HHAT: variants seen among roughly 807,000 people sequenced by gnomAD.
The protein encoded by HHAT is protein-cysteine N-palmitoyltransferase HHAT.
HHAT carries 47 observed loss-of-function variants against 70.8 expected under a neutral mutation model. That is an observed-to-expected ratio of 0.66 (90% confidence interval 0.53 to 0.85). The LOEUF (loss-of-function observed/expected upper bound fraction) is 0.85, where lower values mean the gene tolerates loss of function less well. HHAT is among the 40% of genes least tolerant of loss of function. The pLI, the probability that HHAT is intolerant of heterozygous loss-of-function variation, is 0.00. For synonymous variants in HHAT, 228 were observed against 247.6 expected (o/e 0.92, Z 0.74); for missense variants, 609 against 604.8 (o/e 1.01, Z -0.07).
At chr1:210,566,651 G>A (rs2148722350) in intron 9 of HHAT, among the ~76,000 whole-genome samples, 1 of 152,212 alleles carries the variant, frequency 6.6e-6, no homozygotes, top group African/African-American at 2.4e-5. Context: ...AGCTGGTGAT[G>A]ATCAGAGGGG....
chr1:210,673,085 C>G (rs17188437), intron 11 of HHAT, among the ~76,000 whole-genome samples: 2,607 of 152,268 alleles, frequency 0.017, 35 homozygotes, highest in Middle Eastern at 0.031. Context: ...TTATAAAGCT[C>G]TCTGTGAAAT....
chr1:210,328,476 AG>A (rs2084703065), upstream of HHAT: 1 of 152,700 alleles, frequency 6.5e-6, no homozygotes, highest in African/African-American at 2.4e-5. Flanking sequence ...TGTTTTACAG[AG>A]GTGTACAGGG....
chr1:210,609,975 C>T (rs1486204951), intron 10 of HHAT, among the ~76,000 whole-genome samples: 3 of 152,134 alleles, frequency 2.0e-5, no homozygotes, highest in Non-Finnish European at 2.9e-5. Context: ...AATGAACATA[C>T]GTGTGCAAGT....
intron 9 of HHAT, among the ~76,000 whole-genome samples, chr1:210,566,118 T>A (rs909082870): frequency 6.6e-6 from 1 of 152,222 alleles, no homozygotes; most frequent in African/African-American, 2.4e-5. Context: ...GCTACAATGT[T>A]GGTTTAGGTT....
chr1:210,557,846 C>T (rs2095586661), intron 9 of HHAT, among the ~76,000 whole-genome samples: 2 of 152,156 alleles, frequency 1.3e-5, no homozygotes, highest in African/African-American at 2.4e-5. Flanking sequence ...ACCCTATCAC[C>T]TGTCAAGGAA....
rs553384094 is a variant in HHAT, at chr1:210,579,452, G to A, written c.1044-8446G>A. The stretch of plus-strand genomic sequence containing the variant: ...GGCTAGCATTGTGCCTATAGTTAAC[G>A]ATACTGTATTATATACTTAAACAAT... On this transcript the variant is annotated intron_variant, in intron 9 of 11. Coordinates refer to ENST00000261458, the MANE Select transcript of HHAT (RefSeq NM_018194.6). Among the ~76,000 whole-genome samples, 313 of 152,162 alleles carry A rather than the reference G, an allele frequency of 2.1e-3. 1 individual carries two copies. Among genetic ancestry groups the A allele is most frequent in the Admixed American group, 4.1e-3 (62 of 15,282 alleles).
At chr1:210,376,014 A>ATTTTTTTTTTTTTTTTT (rs57707354) in intron 3 of HHAT, among the ~76,000 whole-genome samples, 8 of 108,908 alleles carry the variant, frequency 7.3e-5, no homozygotes, top group Admixed American at 1.1e-4. Flanking sequence ...TGCACAGCTA[A>ATTTTTTTTTTTTTTTTT]TTTTTTTTTT....
At chr1:210,365,408 C>T (rs973498735) in intron 3 of HHAT, among the ~76,000 whole-genome samples, 12 of 146,294 alleles carry the variant, frequency 8.2e-5, no homozygotes, top group African/African-American at 2.8e-4. Flanking sequence ...CCTCTGCCTC[C>T]TGGGTTCCAG....
At chr1:210,374,214 G>C (rs557263154) in intron 3 of HHAT, 2 of 152,120 alleles carry the variant, frequency 1.3e-5, no homozygotes, top group Non-Finnish European at 2.9e-5. Flanking sequence ...TTCTCTCCAC[G>C]GAAATCTTTA....
chr1:210,374,276 A>C (rs562122934), intron 3 of HHAT: 2 of 152,194 alleles, frequency 1.3e-5, no homozygotes, highest in African/African-American at 2.4e-5. Flanking sequence ...GTAATGCTAC[A>C]AATTAGTTCA....
At chr1:210,602,301 G>A (rs928632782) in intron 10 of HHAT, among the ~76,000 whole-genome samples, 1 of 152,112 alleles carries the variant, frequency 6.6e-6, no homozygotes, top group Non-Finnish European at 1.5e-5. Context: ...CATTACGTGC[G>A]AGTGGCCAGA....
chr1:210,551,518 A>C (rs1041417081), intron 9 of HHAT, among the ~76,000 whole-genome samples: 1 of 131,618 alleles, frequency 7.6e-6, no homozygotes, highest in Non-Finnish European at 1.5e-5. Context: ...ACCAGGCAAC[A>C]ATGACTTTAA....
chr1:210,675,061 A>G lies in HHAT; in HGVS notation c.*682A>G, dbSNP rs910221969. On this transcript the variant is annotated 3_prime_UTR_variant, in exon 12 of 12. Coordinates refer to ENST00000261458, the MANE Select transcript of HHAT (RefSeq NM_018194.6). ...TTGTTTCTGAGATTTGCAGAGAAGT[A>G]TAACATGGTAGTTCCTCTACCTTAC... 5.3e-5 allele frequency: 8 copies of G among 152,374 alleles called. No individual in the cohort carries two copies. The highest frequency in any genetic ancestry group is 1.9e-4 in the African/African-American group (8 of 41,586). The allele number at this position is 152,374 out of a possible 1,614,324, so 9.4% of individuals were successfully genotyped here. A position where few individuals can be genotyped will look rare whatever the true frequency, so the allele number is the denominator to read the frequency against.
At chr1:210,436,652 T>C (rs1236246418) in intron 7 of HHAT, among the ~76,000 whole-genome samples, 1 of 151,774 alleles carries the variant, frequency 6.6e-6, no homozygotes, top group Non-Finnish European at 1.5e-5. Flanking sequence ...ATTTTGATTC[T>C]TCACAGGTCT....
intron 9 of HHAT, among the ~76,000 whole-genome samples, chr1:210,520,743 A>G (rs2095144207): frequency 6.6e-6 from 1 of 152,146 alleles, no homozygotes; most frequent in South Asian, 2.1e-4. Flanking sequence ...ATTCACCTGA[A>G]TTTTGTTTTC....
In HHAT at chr1:210,526,367, G is replaced by GTTTTTT. The variant is rs5780585; in HGVS notation, c.1043+13185_1043+13190dup. 3.4e-4 allele frequency among the ~76,000 whole-genome samples: 48 copies of GTTTTTT among 142,422 alleles called. 1 individual carries two copies. Among genetic ancestry groups the GTTTTTT allele is most frequent in the African/African-American group, 1.2e-3 (44 of 38,246 alleles). 93.4% of individuals were successfully genotyped at this position (142,422 alleles called of 152,430 possible). A position where few individuals can be genotyped will look rare whatever the true frequency, so the allele number is the denominator to read the frequency against. On this transcript the variant is annotated intron_variant, in intron 9 of 11. Transcript: ENST00000261458. ...TAATAAACTAACCAGAGTGGGTTCT[G>GTTTTTT]TTTTTTTTTTTGCCACTGAGATAAC...
At chr1:210,399,416 G>C (rs1003245159) in intron 4 of HHAT, among the ~76,000 whole-genome samples, 1 of 152,004 alleles carries the variant, frequency 6.6e-6, no homozygotes, top group Non-Finnish European at 1.5e-5. Context: ...ACCATACCTG[G>C]CTAATTTTTG....
At chr1:210,590,569 A>G (rs1661485850) in intron 10 of HHAT, 1 of 147,444 alleles carries the variant, frequency 6.8e-6, no homozygotes, top group Admixed American at 6.8e-5. Flanking sequence ...AAAAAAGGCA[A>G]CAGAAGACCA....
At chr1:210,632,877 A>AC (rs1671149929) in intron 11 of HHAT, among the ~76,000 whole-genome samples, 1 of 152,130 alleles carries the variant, frequency 6.6e-6, no homozygotes, top group Non-Finnish European at 1.5e-5. Context: ...ATAATGTAAA[A>AC]CCACAGGGAC....
Sources: allele counts gnomAD v4.1 joint callset (sites outside exome capture counted in the v4.1 genomes callset), GRCh38; gene constraint gnomAD v4.1.1; transcripts MANE v1.5; gene names NCBI Gene and HGNC (gene_info 2026-07-23, HGNC 2026-07-21).